PDE10A: variants seen among roughly 807,000 people sequenced by gnomAD.
PDE10A encodes phosphodiesterase 10A.
Under a neutral mutation model 97.7 loss-of-function variants are expected in PDE10A, and 39 were observed. The observed-to-expected ratio is 0.40, with a 90% CI of 0.31 to 0.52. The LOEUF (loss-of-function observed/expected upper bound fraction) is 0.52. Ranked by LOEUF, PDE10A falls within the 20% of genes least tolerant of loss-of-function variation. The pLI is 0.56. For missense variants in PDE10A, 731 were observed against 1,047.8 expected (o/e 0.70, Z 4.17); for synonymous variants, 371 against 376.8 (o/e 0.98, Z 0.18).
chr6:165,833,698 A>T (rs1779989411), intron 1 of PDE10A, among the ~76,000 whole-genome samples: 1 of 152,198 alleles, frequency 6.6e-6, no homozygotes, highest in Non-Finnish European at 1.5e-5. Flanking sequence ...TCTTCTCGAG[A>T]TGTTCTTGTC....
At chr6:165,397,702 CAAAAAAAAA>C (rs71026686) in intron 13 of PDE10A, among the ~76,000 whole-genome samples, 1 of 88,392 alleles carries the variant, frequency 1.1e-5, no homozygotes, top group Non-Finnish European at 2.2e-5. Flanking sequence ...AACTCCATCT[CAAAAAAAAA>C]AAAAAAAAAA....
chr6:165,957,899 C>A (rs1784184423), intron 1 of PDE10A, among the ~76,000 whole-genome samples: 1 of 152,122 alleles, frequency 6.6e-6, no homozygotes, highest in Non-Finnish European at 1.5e-5. Flanking sequence ...CCATGGAGGC[C>A]CTGGCCGAAA....
At chr6:165,857,078 G>A (rs1411166543) in intron 1 of PDE10A, among the ~76,000 whole-genome samples, 1 of 152,192 alleles carries the variant, frequency 6.6e-6, no homozygotes, top group Non-Finnish European at 1.5e-5. Flanking sequence ...TTAAGATGAT[G>A]GGATTGATTA....
intron 1 of PDE10A, among the ~76,000 whole-genome samples, chr6:165,839,396 T>C (rs1479886537): frequency 6.6e-6 from 1 of 152,216 alleles, no homozygotes; most frequent in Non-Finnish European, 1.5e-5. Context: ...GTCAAGATGT[T>C]TAAGAAATTG....
At chr6:165,874,307 A>C (rs1271156113) in intron 1 of PDE10A, among the ~76,000 whole-genome samples, 1 of 152,196 alleles carries the variant, frequency 6.6e-6, no homozygotes, top group Non-Finnish European at 1.5e-5. Flanking sequence ...CTTCTGGGAG[A>C]AAAAAGGACA....
At chr6:165,544,466 C>T (rs1783631541) in intron 1 of PDE10A, among the ~76,000 whole-genome samples, 2 of 151,810 alleles carry the variant, frequency 1.3e-5, no homozygotes, top group Non-Finnish European at 2.9e-5. Context: ...CAACCCCAAA[C>T]ACAAACAGGC....
At chr6:165,751,132 C>T (rs374938841) in intron 1 of PDE10A, among the ~76,000 whole-genome samples, 153 of 152,272 alleles carry the variant, frequency 1.0e-3, no homozygotes, top group Middle Eastern at 3.4e-3. Context: ...GTGCATTAGA[C>T]GCTCACTGAC....
At chr6:165,452,880 G>A (rs186936832) in intron 3 of PDE10A, among the ~76,000 whole-genome samples, 103 of 148,514 alleles carry the variant, frequency 6.9e-4, no homozygotes, top group Non-Finnish European at 1.3e-3. Context: ...AAGCATCAAG[G>A]GAAATTCTGG....
intron 1 of PDE10A, among the ~76,000 whole-genome samples, chr6:165,959,207 AG>A (rs1393296775): frequency 2.0e-5 from 3 of 152,136 alleles, no homozygotes; most frequent in Admixed American, 6.5e-5. Context: ...AGCCAAGGTG[AG>A]GCCATTCCTA....
chr6:165,637,756 C>A (rs2983515), intron 1 of PDE10A, among the ~76,000 whole-genome samples: 130,514 of 152,134 alleles, frequency 0.86, 56,048 homozygotes, highest in East Asian at 0.89. Context: ...AGGCGGGGCG[C>A]GTCCTCCCAG....
chr6:165,641,070 C>CT (rs1328157035), intron 1 of PDE10A, among the ~76,000 whole-genome samples: 1 of 152,200 alleles, frequency 6.6e-6, no homozygotes, highest in Non-Finnish European at 1.5e-5. Context: ...AGCAACATGG[C>CT]TGTCTGCTTC....
chr6:165,500,330 G>A (rs1307761400), intron 2 of PDE10A, among the ~76,000 whole-genome samples: 1 of 152,170 alleles, frequency 6.6e-6, no homozygotes, highest in Non-Finnish European at 1.5e-5. Flanking sequence ...GCAGAAAGAA[G>A]TAGACATAAG....
chr6:165,647,173 CA>C (rs1417426549), intron 1 of PDE10A, among the ~76,000 whole-genome samples: 1 of 152,192 alleles, frequency 6.6e-6, no homozygotes, highest in Non-Finnish European at 1.5e-5. Flanking sequence ...CAACAATCTA[CA>C]AAAGTCTAGA....
intron 1 of PDE10A, among the ~76,000 whole-genome samples, chr6:165,553,285 G>A (rs987272508): frequency 6.6e-6 from 1 of 152,024 alleles, no homozygotes; most frequent in Non-Finnish European, 1.5e-5. Context: ...ATGAATGGAG[G>A]TTATCCAGGT....
chr6:165,422,981 G>A (rs1008283665), intron 10 of PDE10A, among the ~76,000 whole-genome samples: 2 of 152,068 alleles, frequency 1.3e-5, no homozygotes, highest in African/African-American at 4.8e-5. Flanking sequence ...TTATCTTGTT[G>A]GTGAAGTGAG....
rs932095356 is a variant in PDE10A, at chr6:165,606,921, T to C, written c.865+55026A>G. Among the ~76,000 whole-genome samples, 78 of 152,278 alleles carry C rather than the reference T, an allele frequency of 5.1e-4. 1 individual carries two copies. Among genetic ancestry groups the C allele is most frequent in the African/African-American group, 1.7e-3 (70 of 41,554 alleles). On this transcript the variant is annotated intron_variant, in intron 1 of 21. Transcript: ENST00000539869. ...GTGGGAGCCCAGATGATCAATATGATAAGTGAATAGGTTCACTCTGGCAAC... is the reference window on the plus strand; with the variant it reads ...GTGGGAGCCCAGATGATCAATATGACAAGTGAATAGGTTCACTCTGGCAAC...
chr6:165,619,084 G>GTAGTGTAGTCTAGCA (rs1787882029), intron 1 of PDE10A, among the ~76,000 whole-genome samples: 1 of 119,900 alleles, frequency 8.3e-6, no homozygotes, highest in African/African-American at 3.6e-5. Context: ...GTAGTCTAGT[G>GTAGTGTAGTCTAGCA]TAGTCTAGTG....
chr6:165,964,767 T>C lies in PDE10A; in HGVS notation c.-615+22762A>G, dbSNP rs563617916. ...CACAGCTAAAATATTCCTTAAACAT[T>C]GTTTTGGCTCTGGGTACACAGATGG... On this transcript the variant is annotated intron_variant, in intron 1 of 19. Coordinates refer to the PDE10A transcript ENST00000366882. Among the ~76,000 whole-genome samples the C allele has an allele frequency of 2.6e-5, 4 of 152,292 alleles. No individual in the cohort carries two copies. The South Asian group carries it at 8.3e-4, about 32-fold the overall frequency.
intron 5 of PDE10A, among the ~76,000 whole-genome samples, chr6:165,447,818 A>G (rs1413668000): frequency 6.6e-6 from 1 of 152,212 alleles, no homozygotes; most frequent in Non-Finnish European, 1.5e-5. Context: ...GGGAAATACA[A>G]GAATGAACAA....
Sources: gnomAD v4.1 joint callset for allele counts (sites outside exome capture counted in the v4.1 genomes callset) on GRCh38, gnomAD v4.1.1 for gene constraint, MANE v1.5 for transcripts, NCBI Gene and HGNC (gene_info 2026-07-23, HGNC 2026-07-21) for gene names.